Variants in OTOGL observed in about 807,000 individuals in gnomAD.
OTOGL encodes otogelin like, also known as otogelin-like protein.
In OTOGL, 285 loss-of-function variants were observed where a neutral mutation model predicts 318.5. The observed-to-expected ratio is 0.89, with a 90% CI of 0.81 to 0.99. The LOEUF is 0.99. OTOGL is among the 50% of genes least tolerant of loss of function. The pLI is 0.00. For synonymous variants in OTOGL, 987 were observed against 936.5 expected (o/e 1.05, Z -0.99); for missense variants, 2,899 against 2,845.6 (o/e 1.02, Z -0.43).
At chr12:80,293,259 A>G (rs1304066436) in intron 26 of OTOGL, among the ~76,000 whole-genome samples, 1 of 152,198 alleles carries the variant, frequency 6.6e-6, no homozygotes, top group East Asian at 1.9e-4. Flanking sequence ...TTAATATTAC[A>G]CAAAAAGCTT....
chr12:80,151,143 G>C (rs1296863174), intron 1 of OTOGL, among the ~76,000 whole-genome samples: 1 of 152,146 alleles, frequency 6.6e-6, no homozygotes, highest in Admixed American at 6.5e-5. Flanking sequence ...CCTAGAGCTA[G>C]GAATTTAGGA....
At chr12:80,192,004 G>A (rs1875730538) in intron 1 of OTOGL, among the ~76,000 whole-genome samples, 1 of 152,160 alleles carries the variant, frequency 6.6e-6, no homozygotes, top group South Asian at 2.1e-4. Flanking sequence ...TCCCTTAGAA[G>A]AATCGTATTT....
intron 1 of OTOGL, among the ~76,000 whole-genome samples, chr12:80,148,339 C>A (rs1257758145): frequency 1.3e-5 from 2 of 148,354 alleles, no homozygotes; most frequent in East Asian, 2.0e-4. Context: ...ATATGAAATT[C>A]TGGGTTGCAA....
intron 26 of OTOGL, among the ~76,000 whole-genome samples, chr12:80,280,645 A>G (rs536766255): frequency 3.3e-5 from 5 of 151,546 alleles, no homozygotes; most frequent in South Asian, 2.1e-4. Flanking sequence ...AACCTGTTCC[A>G]TTGTGTCTGT....
At chr12:80,307,222 C>T (rs867399161) in intron 29 of OTOGL, among the ~76,000 whole-genome samples, 28 of 149,210 alleles carry the variant, frequency 1.9e-4, no homozygotes, top group Admixed American at 1.3e-3. Context: ...TACACAGACA[C>T]GGCAACCATC....
At chr12:80,240,117 TC>T (rs1194077443) in intron 11 of OTOGL, among the ~76,000 whole-genome samples, 1 of 152,142 alleles carries the variant, frequency 6.6e-6, no homozygotes, top group African/African-American at 2.4e-5. Flanking sequence ...ATTTTTTTTA[TC>T]CATTCATCCA....
Position 80,308,400 on chromosome 12 carries a change from C to CA in OTOGL, c.3334-2210dup, listed in dbSNP as rs1416824649. On this transcript the variant is annotated intron_variant, in intron 29 of 58. Transcript: ENST00000547103. Reference sequence around the variant, plus strand: ...CAGGGCAGAGGTGCTCCCCACATCTCAGACGATGGGCGGCCGGGCAGAGAT... The same window carrying CA: ...CAGGGCAGAGGTGCTCCCCACATCTCAAGACGATGGGCGGCCGGGCAGAGAT... 7.9e-5 allele frequency among the ~76,000 whole-genome samples: 12 copies of CA among 151,746 alleles called. No homozygotes were observed. In the East Asian group the frequency reaches 1.8e-3, roughly 22 times the overall value.
intron 7 of OTOGL, 111 bp from the exon 8 acceptor site, chr12:80,229,146 A>T (rs903740693): frequency 1.6e-6 from 2 of 1,235,882 alleles, no homozygotes; most frequent in Non-Finnish European, 2.2e-6. Context: ...ATAACGTTGT[A>T]AAGTGTCATG....
At chr12:80,203,309 A>T (rs1876584322) in intron 1 of OTOGL, among the ~76,000 whole-genome samples, 1 of 151,612 alleles carries the variant, frequency 6.6e-6, no homozygotes, top group South Asian at 2.1e-4. Context: ...CTCATTTCTG[A>T]CTGCTTTTTC....
chr12:80,194,135 A>G (rs191795693), intron 1 of OTOGL, among the ~76,000 whole-genome samples: 1 of 152,354 alleles, frequency 6.6e-6, no homozygotes, highest in Non-Finnish European at 1.5e-5. Flanking sequence ...ATACTCCTGT[A>G]TAGCCAAACG....
At chr12:80,249,291 T>C (rs1260856962) in intron 11 of OTOGL, among the ~76,000 whole-genome samples, 2 of 151,432 alleles carry the variant, frequency 1.3e-5, no homozygotes, top group Non-Finnish European at 2.9e-5. Context: ...CCCATCTTTG[T>C]GGTTTTATCT....
chr12:80,198,304 C>T (rs1286945127), intron 1 of OTOGL, among the ~76,000 whole-genome samples: 9 of 152,102 alleles, frequency 5.9e-5, no homozygotes, highest in Non-Finnish European at 1.2e-4. Flanking sequence ...AAATAATTAC[C>T]TGGCTGGGTG....
chr12:80,216,412 A>G (rs1877723646), intron 4 of OTOGL, among the ~76,000 whole-genome samples: 2 of 152,226 alleles, frequency 1.3e-5, no homozygotes, highest in Non-Finnish European at 2.9e-5. Context: ...GCTATTGGAA[A>G]GAATATTGCC....
chr12:80,336,167 T>C (rs766967453), intron 39 of OTOGL, 27 bp downstream of exon 39: 5 of 1,489,082 alleles, frequency 3.4e-6, no homozygotes, highest in South Asian at 2.7e-5. Context: ...TAAGCGGTGA[T>C]CTTTTTTTTT....
At chr12:80,331,977 G>T (rs548378016) in intron 37 of OTOGL, among the ~76,000 whole-genome samples, 2 of 152,054 alleles carry the variant, frequency 1.3e-5, no homozygotes, top group Admixed American at 6.6e-5. Flanking sequence ...TGAAGATTTC[G>T]TGCTGTGGTT....
chr12:80,267,121 T>C, intron 21 of OTOGL, 132 bp from the exon 22 acceptor site: 1 of 397,876 alleles, frequency 2.5e-6, no homozygotes, highest in African/African-American at 2.1e-5. Context: ...TAGGATTGCA[T>C]GCAGTCTTGT....
At chr12:80,180,719 G>GT (rs1555274131) in intron 1 of OTOGL, among the ~76,000 whole-genome samples, 8 of 151,950 alleles carry the variant, frequency 5.3e-5, no homozygotes, top group South Asian at 4.2e-4. Flanking sequence ...GGCCAATAAT[G>GT]TTTTTTTTGC....
chr12:80,108,773 A>ATATATATATATG (rs1565863085), intron 1 of OTOGL, among the ~76,000 whole-genome samples: 70 of 28,584 alleles, frequency 2.4e-3, no homozygotes, highest in African/African-American at 8.2e-3. Flanking sequence ...ATATACACGT[A>ATATATATATATG]TATATATATA....
intron 44 of OTOGL, among the ~76,000 whole-genome samples, chr12:80,350,725 TCC>T (rs1190356960): frequency 6.6e-6 from 1 of 152,238 alleles, no homozygotes; most frequent in Non-Finnish European, 1.5e-5. Flanking sequence ...TCTATTCAGT[TCC>T]TTTGACCATT....
Sources: allele counts gnomAD v4.1 joint callset (sites outside exome capture counted in the v4.1 genomes callset), GRCh38; gene constraint gnomAD v4.1.1; transcripts MANE v1.5; gene names NCBI Gene and HGNC (gene_info 2026-07-23, HGNC 2026-07-21).